RSBN1: variants seen among roughly 807,000 people sequenced by gnomAD.
The protein encoded by RSBN1 is round spermatid basic protein 1.
In RSBN1, 23 loss-of-function variants were observed where a neutral mutation model predicts 74.8. The observed-to-expected ratio is 0.31, with a 90% CI of 0.22 to 0.44. The LOEUF (loss-of-function observed/expected upper bound fraction) is 0.44. RSBN1 is among the 20% of genes least tolerant of loss of function. RSBN1 has a pLI of 1.00. For synonymous variants in RSBN1, 407 were observed against 379.6 expected (o/e 1.07, Z -0.84); for missense variants, 808 against 1,020.9 (o/e 0.79, Z 2.84).
chr1:113,792,460 TAGG>T (rs149305934), intron 2 of RSBN1, among the ~76,000 whole-genome samples: 1,822 of 152,226 alleles, frequency 0.012, 40 homozygotes, highest in African/African-American at 0.041. Flanking sequence ...CCGAACATGC[TAGG>T]AGGCCAAAGC....
intron 3 of RSBN1, 23 bp from the exon 4 acceptor site, chr1:113,777,375 A>C (rs1003980317): frequency 1.3e-6 from 2 of 1,584,176 alleles, no homozygotes; most frequent in Non-Finnish European, 1.7e-6. Context: ...CGGATTAGTC[A>C]CATTAAAAAA....
intron 6 of RSBN1, 87 bp from the exon 7 acceptor site, chr1:113,766,540 C>T: frequency 1.2e-6 from 1 of 811,780 alleles, no homozygotes. Flanking sequence ...ACAGTAGAAA[C>T]AAAATGTGTC....
intron 1 of RSBN1, among the ~76,000 whole-genome samples, chr1:113,803,939 C>G (rs367624823): frequency 1.6e-5 from 1 of 63,476 alleles, no homozygotes; most frequent in Non-Finnish European, 3.0e-5. Flanking sequence ...CCCATTTTTA[C>G]AAAAAAAAAA....
chr1:113,795,654 A>AAACATTTTT (rs1247849773), intron 2 of RSBN1, among the ~76,000 whole-genome samples: 8 of 152,218 alleles, frequency 5.3e-5, no homozygotes, highest in Non-Finnish European at 1.0e-4. Flanking sequence ...AATGTTCTTA[A>AAACATTTTT]AAAGTGGTTA....
Position 113,765,490 on chromosome 1 carries a change from T to C in RSBN1, c.*490A>G, listed in dbSNP as rs1659761488. On this transcript the variant is annotated 3_prime_UTR_variant, in exon 7 of 7. Coordinates refer to ENST00000261441, the MANE Select transcript of RSBN1 (RefSeq NM_018364.5). ...TATTTGTGGTTAGAACTAAATAACT[T>C]ACTTGCCCATGTACCAGATGCAGAA... is the stretch of plus-strand genomic sequence containing the variant. 1 of 154,720 alleles carries C rather than the reference T, an allele frequency of 6.5e-6. No homozygotes were observed. The highest frequency in any genetic ancestry group is 2.4e-5 in the African/African-American group (1 of 41,458). The allele number at this position is 154,720 out of a possible 1,614,324, so 9.6% of individuals were successfully genotyped here. A position where few individuals can be genotyped will look rare whatever the true frequency, so the allele number is the denominator to read the frequency against.
chr1:113,783,458 A>G (rs76750442), intron 2 of RSBN1, among the ~76,000 whole-genome samples: 1 of 70,046 alleles, frequency 1.4e-5, no homozygotes, highest in African/African-American at 3.4e-5. Context: ...GGCTGACAAG[A>G]AAAAAAAAAA....
chr1:113,787,711 G>T (rs1660273236), intron 2 of RSBN1, among the ~76,000 whole-genome samples: 1 of 152,280 alleles, frequency 6.6e-6, no homozygotes, highest in African/African-American at 2.4e-5. Context: ...TAGCAGACAG[G>T]TGTGTAACCT....
intron 2 of RSBN1, among the ~76,000 whole-genome samples, chr1:113,792,812 A>AAAGGAAGGG (rs1033693556): frequency 1.1e-4 from 16 of 152,178 alleles, no homozygotes; most frequent in Admixed American, 5.2e-4. Flanking sequence ...AAGGAGAAAG[A>AAAGGAAGGG]AAGGAAGGGA....
chr1:113,810,433 G>T (rs1571314811), intron 1 of RSBN1, among the ~76,000 whole-genome samples: 1 of 151,464 alleles, frequency 6.6e-6, no homozygotes, highest in African/African-American at 2.4e-5. Context: ...AGAAAGTAGG[G>T]AATAAAAGTA....
chr1:113,790,171 T>C (rs1232763433), intron 2 of RSBN1, among the ~76,000 whole-genome samples: 8 of 151,826 alleles, frequency 5.3e-5, no homozygotes, highest in African/African-American at 1.7e-4. Flanking sequence ...GGAGTGGGAA[T>C]GGAGAAGGGA....
At chr1:113,792,632 G>A (rs1038713548) in intron 2 of RSBN1, among the ~76,000 whole-genome samples, 6 of 152,154 alleles carry the variant, frequency 3.9e-5, no homozygotes, top group African/African-American at 7.2e-5. Flanking sequence ...ACCTGAAAGC[G>A]AAGAACAAGT....
intron 1 of RSBN1, among the ~76,000 whole-genome samples, chr1:113,802,006 G>A (rs990897909): frequency 1.3e-5 from 2 of 150,668 alleles, no homozygotes; most frequent in East Asian, 3.9e-4. Context: ...CCAGGCTGGA[G>A]GGCAGTGGCG....
chr1:113,778,543 AC>A (rs1227645918), intron 2 of RSBN1, among the ~76,000 whole-genome samples: 2 of 151,610 alleles, frequency 1.3e-5, no homozygotes, highest in African/African-American at 4.8e-5. Flanking sequence ...CAAGTGATCC[AC>A]CCGCCTTGGC....
intron 2 of RSBN1, among the ~76,000 whole-genome samples, chr1:113,792,667 T>C (rs1660389813): frequency 6.6e-6 from 1 of 152,202 alleles, no homozygotes; most frequent in Non-Finnish European, 1.5e-5. Context: ...TCCTGAAGTT[T>C]ATGTACTGGG....
chr1:113,771,900 T>A, intron 4 of RSBN1, among the ~76,000 whole-genome samples: 1 of 140,468 alleles, frequency 7.1e-6, no homozygotes. Flanking sequence ...AACAGGGCAA[T>A]CAGAAACTGC....
In RSBN1 at chr1:113,777,707, C is replaced by T; in HGVS notation, c.1479G>A (p.Glu493=). 1.2e-6 allele frequency: 2 copies of T among 1,611,214 alleles called. No individual in the cohort carries two copies. Among genetic ancestry groups the T allele is most frequent in the African/African-American group, 2.7e-5 (2 of 74,984 alleles). ...GTGATTCTTCTAACATATCAAGGAA[C>T]TCTGGGAAATAATCACCAACTTCTT... ...VDEEVGDYFP[E]FLDMLEESPF... The change falls in exon 3 of 7, where the codon GAG becomes GAA. Residue 493 remains glutamate (E), a synonymous_variant. Transcript: ENST00000261441.
intron 5 of RSBN1, among the ~76,000 whole-genome samples, chr1:113,767,414 A>G (rs576189252): frequency 1.3e-4 from 20 of 152,314 alleles, no homozygotes; most frequent in Non-Finnish European, 2.1e-4. Flanking sequence ...TGTAAAATTA[A>G]AACAAAAATG....
chr1:113,768,915 T>C (rs1659834660), intron 4 of RSBN1, among the ~76,000 whole-genome samples: 1 of 151,244 alleles, frequency 6.6e-6, no homozygotes, highest in Non-Finnish European at 1.5e-5. Flanking sequence ...AAAACCTTTT[T>C]GTGAAAAAAA....
Position 113,811,951 on chromosome 1 carries a change from G to A in RSBN1, c.462C>T (p.Ala154=). 1 of 1,590,574 alleles carries A rather than the reference G, an allele frequency of 6.3e-7. No homozygotes were observed. The change falls in exon 1 of 7, where the codon GCC becomes GCT. Residue 154 remains alanine, a synonymous_variant. Coordinates refer to ENST00000261441, the MANE Select transcript of RSBN1 (RefSeq NM_018364.5). ...GGAGAGGGGCAGCGACAGCGGGCCC[G>A]GCGGGTGCCAGCGAAGGTGGCGGCG... ...PPPPPPSLAP[A]GPAVAAPLPA...
Sources: gnomAD v4.1 joint callset for allele counts (sites outside exome capture counted in the v4.1 genomes callset) on GRCh38, gnomAD v4.1.1 for gene constraint, MANE v1.5 for transcripts, NCBI Gene and HGNC (gene_info 2026-07-23, HGNC 2026-07-21) for gene names.